LHFPL2: variants seen among roughly 807,000 people sequenced by gnomAD.
The protein encoded by LHFPL2 is LHFPL tetraspan subfamily member 2 protein.
A neutral mutation model predicts 17.5 loss-of-function variants in LHFPL2; 7 were observed. That is an observed-to-expected ratio of 0.40 (90% CI 0.23 to 0.75). The LOEUF (loss-of-function observed/expected upper bound fraction) is 0.75, where lower values mean the gene tolerates loss of function less well. LHFPL2 is among the 30% of genes least tolerant of loss of function. The probability of loss-of-function intolerance (pLI) is 0.37; values close to 1 mark genes in which losing one functional copy is unlikely to be tolerated. For synonymous variants in LHFPL2, 134 were observed against 116.2 expected (o/e 1.15, Z -0.99); for missense variants, 241 against 294.8 (o/e 0.82, Z 1.34).
At chr5:78,575,667 G>A (rs977604837) in intron 2 of LHFPL2, among the ~76,000 whole-genome samples, 7 of 152,150 alleles carry the variant, frequency 4.6e-5, no homozygotes, top group Non-Finnish European at 1.5e-5. Context: ...AATGGAACAA[G>A]CAAAGAAAAC....
chr5:78,646,646 T>G (rs1228233929), intron 1 of LHFPL2, among the ~76,000 whole-genome samples: 4 of 152,192 alleles, frequency 2.6e-5, no homozygotes, highest in Non-Finnish European at 4.4e-5. Context: ...CTGTATATAG[T>G]GTTCATTAAA....
At chr5:78,590,363 A>G (rs1422128894) in intron 2 of LHFPL2, among the ~76,000 whole-genome samples, 4 of 152,264 alleles carry the variant, frequency 2.6e-5, no homozygotes, top group Non-Finnish European at 5.9e-5. Context: ...TACTGTACCT[A>G]GAACTTTAAA....
intron 2 of LHFPL2, among the ~76,000 whole-genome samples, chr5:78,612,617 T>C (rs1744459123): frequency 6.6e-6 from 1 of 151,846 alleles, no homozygotes; most frequent in South Asian, 2.1e-4. Flanking sequence ...GCTGAAAGAG[T>C]AAACTAATAA....
At chr5:78,577,066 T>A (rs763544631) in intron 2 of LHFPL2, among the ~76,000 whole-genome samples, 1 of 152,222 alleles carries the variant, frequency 6.6e-6, no homozygotes, top group Non-Finnish European at 1.5e-5. Context: ...AAAGATCAAA[T>A]GTTTTCTAAA....
intron 4 of LHFPL2, 152 bp downstream of exon 4, chr5:78,509,632 T>C: frequency 1.4e-6 from 1 of 737,412 alleles, no homozygotes; most frequent in South Asian, 1.8e-5. Flanking sequence ...CACACAAACG[T>C]CGCCTAGAAC....
intron 2 of LHFPL2, among the ~76,000 whole-genome samples, chr5:78,567,911 G>A (rs1338815407): frequency 1.3e-5 from 2 of 152,130 alleles, no homozygotes; most frequent in African/African-American, 2.4e-5. Flanking sequence ...ACTGCTAGGG[G>A]CACCTACTGC....
intron 4 of LHFPL2, among the ~76,000 whole-genome samples, chr5:78,504,599 T>A (rs1754876710): frequency 6.6e-6 from 1 of 152,186 alleles, no homozygotes; most frequent in African/African-American, 2.4e-5. Context: ...CATACTTCCA[T>A]GCATCAGATT....
At chr5:78,579,332 T>C (rs1303870861) in intron 2 of LHFPL2, among the ~76,000 whole-genome samples, 6 of 152,064 alleles carry the variant, frequency 3.9e-5, no homozygotes, top group Non-Finnish European at 8.8e-5. Flanking sequence ...GTTGTTGTTG[T>C]TGTTTTTCAT....
rs931498020 is a variant in LHFPL2, at chr5:78,505,097, T to C, written c.430+4687A>G. On this transcript the variant is annotated intron_variant, in intron 4 of 4. Coordinates refer to ENST00000380345, the MANE Select transcript of LHFPL2 (RefSeq NM_005779.3). ...CAAACCTGAGTCACTGGGGATTCCA[T>C]GGACTTCTAAGAGAGCCCTACACGC... Among the ~76,000 whole-genome samples, 4 of 152,212 alleles carry C rather than the reference T, an allele frequency of 2.6e-5. No individual in the cohort carries two copies. In the East Asian group the frequency reaches 7.7e-4, roughly 29 times the overall value.
intron 2 of LHFPL2, among the ~76,000 whole-genome samples, chr5:78,611,124 A>G (rs1744410068): frequency 6.6e-6 from 1 of 152,216 alleles, no homozygotes; most frequent in Non-Finnish European, 1.5e-5. Flanking sequence ...CTTTAAAACC[A>G]AACAAAACAT....
intron 2 of LHFPL2, among the ~76,000 whole-genome samples, chr5:78,604,601 A>G (rs960475316): frequency 1.3e-5 from 2 of 152,204 alleles, no homozygotes; most frequent in African/African-American, 4.8e-5. Context: ...GAAAAGTTCA[A>G]ACAGAGAATA....
intron 2 of LHFPL2, among the ~76,000 whole-genome samples, chr5:78,608,311 T>C (rs1744297118): frequency 6.6e-6 from 1 of 152,242 alleles, no homozygotes; most frequent in Non-Finnish European, 1.5e-5. Flanking sequence ...TTTGCTACTT[T>C]CACTGACAAA....
At chr5:78,568,833 T>A (rs1756924611) in intron 2 of LHFPL2, among the ~76,000 whole-genome samples, 1 of 152,206 alleles carries the variant, frequency 6.6e-6, no homozygotes. Flanking sequence ...CAGAGCACTG[T>A]GTATCACAGG....
chr5:78,537,456 G>A (rs376736808), intron 3 of LHFPL2, among the ~76,000 whole-genome samples: 14 of 152,144 alleles, frequency 9.2e-5, no homozygotes, highest in South Asian at 2.1e-4. Flanking sequence ...CTCTCCTCCC[G>A]CTTTGCCCAA....
intron 3 of LHFPL2, among the ~76,000 whole-genome samples, chr5:78,522,872 T>A (rs1190639133): frequency 1.3e-5 from 2 of 152,196 alleles, no homozygotes; most frequent in East Asian, 3.8e-4. Context: ...GATAAGGTTT[T>A]ATCAGGGATA....
intron 2 of LHFPL2, among the ~76,000 whole-genome samples, chr5:78,580,487 T>C (rs1743082280): frequency 6.7e-6 from 1 of 149,398 alleles, no homozygotes; most frequent in African/African-American, 2.4e-5. Context: ...AGGTCTAACG[T>C]TTAAGTCTTT....
intron 3 of LHFPL2, among the ~76,000 whole-genome samples, chr5:78,524,176 C>T (rs1331747994): frequency 6.6e-6 from 1 of 152,178 alleles, no homozygotes; most frequent in Non-Finnish European, 1.5e-5. Context: ...CAGGAAAACC[C>T]GGGCCTTGCT....
At chr5:78,579,370 T>A (rs1288362160) in intron 2 of LHFPL2, among the ~76,000 whole-genome samples, 1 of 152,068 alleles carries the variant, frequency 6.6e-6, no homozygotes, top group African/African-American at 2.4e-5. Flanking sequence ...ACTTTAAGTT[T>A]TAGGGTACAT....
intron 4 of LHFPL2, among the ~76,000 whole-genome samples, chr5:78,508,342 T>A (rs914297923): frequency 6.6e-6 from 1 of 152,184 alleles, no homozygotes; most frequent in African/African-American, 2.4e-5. Flanking sequence ...GTGTGGCTGA[T>A]CCTGGCAGAT....
Sources: gnomAD v4.1 joint callset for allele counts (sites outside exome capture counted in the v4.1 genomes callset) on GRCh38, gnomAD v4.1.1 for gene constraint, MANE v1.5 for transcripts, NCBI Gene and HGNC (gene_info 2026-07-23, HGNC 2026-07-21) for gene names.